PIEZO2: variants seen among roughly 807,000 people sequenced by gnomAD.
The protein encoded by PIEZO2 is piezo-type mechanosensitive ion channel component 2.
Under a neutral mutation model 337.3 loss-of-function variants are expected in PIEZO2, and 172 were observed. That is an observed-to-expected ratio of 0.51 (90% CI 0.45 to 0.58). The LOEUF is 0.58. Among genes scored for constraint, PIEZO2 ranks in the 20% least tolerant of loss-of-function variants. The pLI, the probability that PIEZO2 is intolerant of heterozygous loss-of-function variation, is 0.00. For synonymous variants in PIEZO2, 1,251 were observed against 1,228.5 expected, an observed-to-expected ratio of 1.02 and a Z score of -0.38; for missense variants, 3,028 against 3,391.3, an observed-to-expected ratio of 0.89 and a Z score of 2.66.
chr18:10,814,627 G>A (rs2040307384), intron 7 of PIEZO2, among the ~76,000 whole-genome samples: 1 of 152,186 alleles, frequency 6.6e-6, no homozygotes, highest in Non-Finnish European at 1.5e-5. Context: ...GCTCTGTCAA[G>A]GTGGAAGCCT....
At position 10,847,219 on chromosome 18, in the gene PIEZO2, A is replaced by C. The variant is rs1453367319; in HGVS notation, c.917+8134T>G. 6.6e-6 allele frequency among the ~76,000 whole-genome samples: 1 copy of C among 152,234 alleles called. No individual in the cohort carries two copies. Among genetic ancestry groups the C allele is most frequent in the East Asian group, 1.9e-4 (1 of 5,194 alleles). ...CCATGTGATGCTCGCTGGCCAGATG[A>C]CATGACGGCAGCCGGGGCAGGTGAC... On this transcript the variant is annotated intron_variant, in intron 7 of 55. Coordinates refer to ENST00000674853, the MANE Select transcript of PIEZO2 (RefSeq NM_001378183.1). The surrounding 1 kb of genome is among the most constrained non-coding windows in gnomAD (Gnocchi z 5.7).
At position 10,784,960 on chromosome 18, in the gene PIEZO2, G is replaced by GCAAAA; in HGVS notation, c.2319-8_2319-4dup. 6.5e-7 allele frequency: 1 copy of GCAAAA among 1,527,998 alleles called. No individual in the cohort carries two copies. Among genetic ancestry groups the GCAAAA allele is most frequent in the Non-Finnish European group, 8.7e-7 (1 of 1,143,682 alleles). The allele number at this position is 1,527,998 out of a possible 1,614,324, so 94.7% of individuals were successfully genotyped here. Reference sequence around the variant, plus strand: ...GCTTTAAGCCAAGATCCTCAAGCCTGCAAAACAAAACAAAATAAAAAGCAG... The same window carrying GCAAAA: ...GCTTTAAGCCAAGATCCTCAAGCCTGCAAAACAAAACAAAACAAAATAAAAAGCAG... On this transcript the variant is annotated splice_region_variant and splice_polypyrimidine_tract_variant and intron_variant, in intron 16 of 55. Transcript: ENST00000674853. This position sits in a 1 kb window ranked among gnomAD's most constrained non-coding sequence, Gnocchi z 4.5.
At position 10,940,421 on chromosome 18, in the gene PIEZO2, A is replaced by G. The variant is rs1244712249; in HGVS notation, c.287-29193T>C. ...GATGCCAACAACATAAGCGAATCTTACCTGCAGAATATCCTAGTGTTTTCC... is the reference window on the plus strand; with the variant it reads ...GATGCCAACAACATAAGCGAATCTTGCCTGCAGAATATCCTAGTGTTTTCC... On this transcript the variant is annotated intron_variant, in intron 3 of 55. Transcript: ENST00000674853. This position sits in a 1 kb window ranked among gnomAD's most constrained non-coding sequence, Gnocchi z 5.3. Among the ~76,000 whole-genome samples, 1 of 152,238 alleles carries G rather than the reference A, an allele frequency of 6.6e-6. No individual in the cohort carries two copies. Among genetic ancestry groups the G allele is most frequent in the East Asian group, 1.9e-4 (1 of 5,192 alleles).
chr18:11,012,018 C>T (rs369578341), intron 2 of PIEZO2, among the ~76,000 whole-genome samples: 68 of 152,110 alleles, frequency 4.5e-4, no homozygotes, highest in South Asian at 3.3e-3. Context: ...TCTGTAAAAC[C>T]GAAGAAAGGT....
intron 4 of PIEZO2, among the ~76,000 whole-genome samples, chr18:10,900,135 T>G (rs1303913845): frequency 6.6e-6 from 1 of 151,884 alleles, no homozygotes; most frequent in Non-Finnish European, 1.5e-5. Context: ...AAGTCCTAGG[T>G]AAAGCTCTCA....
chr18:10,730,830 C>T (rs560872267), intron 36 of PIEZO2, among the ~76,000 whole-genome samples: 38 of 152,062 alleles, frequency 2.5e-4, no homozygotes, highest in Middle Eastern at 3.4e-3. Context: ...GGGTTCACGC[C>T]GTTCTCCTGC....
chr18:10,944,930 G>A (rs35395537), intron 3 of PIEZO2, among the ~76,000 whole-genome samples: 65,174 of 151,964 alleles, frequency 0.43, 14,879 homozygotes, highest in Non-Finnish European at 0.52. Context: ...GATTCTTGCC[G>A]TGAGATAATG....
At chr18:10,825,620 G>A (rs896609519) in intron 7 of PIEZO2, among the ~76,000 whole-genome samples, 5 of 141,308 alleles carry the variant, frequency 3.5e-5, no homozygotes, top group East Asian at 2.1e-4. Context: ...GCACAATCTC[G>A]GCTCACTGCA....
rs1440290152 is a variant in PIEZO2 at position 11,027,060 on chromosome 18, G to A, written c.160+39067C>T. Among the ~76,000 whole-genome samples, 1 of 152,226 alleles carries A rather than the reference G, an allele frequency of 6.6e-6. No homozygotes were observed. The highest frequency in any genetic ancestry group is 2.4e-5 in the African/African-American group (1 of 41,464). On this transcript the variant is annotated intron_variant, in intron 2 of 55. Transcript: ENST00000674853. The surrounding 1 kb of genome is among the most constrained non-coding windows in gnomAD (Gnocchi z 4.2). ...TTTTATAAGCCAATTCATATGAAAT[G>A]TCACAGAGCAGTCAATTCTAAACTG...
chr18:10,738,763 A>G (rs1458437591), intron 33 of PIEZO2: 1 of 152,250 alleles, frequency 6.6e-6, no homozygotes, highest in Non-Finnish European at 1.5e-5. Flanking sequence ...GATATTTATC[A>G]ATAAGATGAA....
At chr18:10,971,915 G>A (rs2034251967) in intron 3 of PIEZO2, among the ~76,000 whole-genome samples, 1 of 152,100 alleles carries the variant, frequency 6.6e-6, no homozygotes, top group African/African-American at 2.4e-5. Flanking sequence ...CTAAGGCGAG[G>A]CACTTTTTGC....
chr18:10,680,200 T>G lies in PIEZO2; in HGVS notation c.7951A>C (p.Arg2651=), dbSNP rs2034201662. ...FSVVFSWSIQ[R]NLSLGAKSEI... ...TATACATGGAAATACAGTAACTACC[T>G]CTGAATACTCCATGAAAAAACAACA... The change falls in exon 52 of 56, where the codon AGA becomes CGA. Residue 2651 remains arginine (R), a splice_region_variant and synonymous_variant. Coordinates refer to ENST00000674853, the MANE Select transcript of PIEZO2 (RefSeq NM_001378183.1). The G allele has an allele frequency of 6.2e-7, 1 of 1,610,228 alleles. No individual in the cohort carries two copies. The highest frequency in any genetic ancestry group is 8.5e-7 in the Non-Finnish European group (1 of 1,177,128).
At chr18:10,867,526 A>G (rs1381606518) in intron 5 of PIEZO2, among the ~76,000 whole-genome samples, 1 of 152,198 alleles carries the variant, frequency 6.6e-6, no homozygotes, top group African/African-American at 2.4e-5. Context: ...TATTCTTTTT[A>G]TCCTTCATAT....
chr18:10,736,209 C>A (rs945555130), intron 34 of PIEZO2, among the ~76,000 whole-genome samples: 1 of 152,222 alleles, frequency 6.6e-6, no homozygotes, highest in Non-Finnish European at 1.5e-5. Context: ...CACAACAAAG[C>A]AAGGATTTTG....
rs554597586 is a variant in PIEZO2 at position 10,724,754 on chromosome 18, C to T, written c.5030-6495G>A. 3.9e-6 allele frequency: 6 copies of T among 1,557,340 alleles called. No homozygotes were observed. The African/African-American group carries it at 8.1e-5, about 21-fold the overall frequency. ...CTGTACCCCTGGTCTCAGTCCCTGG[C>T]CTTGCCCGTGGCTCTGGCAGTCCCC... On this transcript the variant is annotated intron_variant, in intron 36 of 55. Transcript: ENST00000674853. This position sits in a 1 kb window ranked among gnomAD's most constrained non-coding sequence, Gnocchi z 5.8.
Position 11,101,017 on chromosome 18 carries a change from G to A in PIEZO2, c.65-34795C>T, listed in dbSNP as rs2039405928. Among the ~76,000 whole-genome samples the A allele has an allele frequency of 6.6e-6, 1 of 152,218 alleles. No individual in the cohort carries two copies. The highest frequency in any genetic ancestry group is 1.5e-5 in the Non-Finnish European group (1 of 68,050). On this transcript the variant is annotated intron_variant, in intron 1 of 55. Transcript: ENST00000674853. The surrounding 1 kb of genome is among the most constrained non-coding windows in gnomAD (Gnocchi z 4.4). Reference sequence around the variant, plus strand: ...AGTTAACTCAAGGAATTCAGTGGGTGGGATGGCTTTCCCACTGGAGATGCA... The same window carrying A: ...AGTTAACTCAAGGAATTCAGTGGGTAGGATGGCTTTCCCACTGGAGATGCA...
chr18:10,692,915 T>C (rs1205248748), intron 47 of PIEZO2, among the ~76,000 whole-genome samples: 1 of 152,194 alleles, frequency 6.6e-6, no homozygotes, highest in Non-Finnish European at 1.5e-5. Context: ...GCTGGGAATT[T>C]TGATGTGCAC....
Position 11,116,365 on chromosome 18 carries a change from G to A in PIEZO2, c.64+32160C>T, listed in dbSNP as rs749646153. Among the ~76,000 whole-genome samples the A allele has an allele frequency of 1.4e-4, 21 of 152,256 alleles. No homozygotes were observed. Among genetic ancestry groups the A allele is most frequent in the Middle Eastern group, 6.8e-3 (2 of 294 alleles). On this transcript the variant is annotated intron_variant, in intron 1 of 55. Coordinates refer to ENST00000674853, the MANE Select transcript of PIEZO2 (RefSeq NM_001378183.1). The surrounding 1 kb of genome is among the most constrained non-coding windows in gnomAD (Gnocchi z 5.0). ...CTCTTGAGGAGGAAGCTGCCCAACG[G>A]TGTGAAAATGCACCTCGACAATGCT...
Position 10,783,014 on chromosome 18 carries a change from C to A in PIEZO2, c.2492+1770G>T, listed in dbSNP as rs111723991. Among the ~76,000 whole-genome samples the A allele has an allele frequency of 6.6e-6, 1 of 151,550 alleles. No individual in the cohort carries two copies. Among genetic ancestry groups the A allele is most frequent in the Non-Finnish European group, 1.5e-5 (1 of 67,970 alleles). On this transcript the variant is annotated intron_variant, in intron 17 of 55. Coordinates refer to ENST00000674853, the MANE Select transcript of PIEZO2 (RefSeq NM_001378183.1). This position sits in a 1 kb window ranked among gnomAD's most constrained non-coding sequence, Gnocchi z 4.3. ...GGTGAATTATATCTCTGTTTGATTGCGTGACAGAAGACTCAGACACATCCA... is the reference window on the plus strand; with the variant it reads ...GGTGAATTATATCTCTGTTTGATTGAGTGACAGAAGACTCAGACACATCCA...
Sources: allele counts gnomAD v4.1 joint callset (sites outside exome capture counted in the v4.1 genomes callset), GRCh38; gene constraint gnomAD v4.1.1; non-coding constraint Gnocchi (gnomAD v3.1); transcripts MANE v1.5; gene names NCBI Gene and HGNC (gene_info 2026-07-23, HGNC 2026-07-21).